The following FBXL13 variants were observed in gnomAD, a reference collection of about 807,000 sequenced individuals.
FBXL13 encodes F-box and leucine-rich repeat protein 13.
In FBXL13, 67 loss-of-function variants were observed where a neutral mutation model predicts 83.6. The observed-to-expected ratio is 0.80, with a 90% CI of 0.66 to 0.98. The LOEUF (loss-of-function observed/expected upper bound fraction) is 0.98. Ranked by LOEUF, FBXL13 falls within the 50% of genes least tolerant of loss-of-function variation. The pLI, the probability that FBXL13 is intolerant of heterozygous loss-of-function variation, is 0.00. For synonymous variants in FBXL13, 272 were observed against 299.5 expected, an observed-to-expected ratio of 0.91 and a Z score of 0.95; for missense variants, 822 against 866.5, an observed-to-expected ratio of 0.95 and a Z score of 0.64.
At chr7:103,074,654 C>A (rs1243994585), upstream of FBXL13, 2 of 1,280,714 alleles carry the variant, frequency 1.6e-6, no homozygotes, top group Middle Eastern at 2.1e-4. Flanking sequence ...CCTTCTAACT[C>A]CCCACCGACG....
chr7:102,946,831 C>T (rs1822595691), intron 8 of FBXL13, among the ~76,000 whole-genome samples: 1 of 151,878 alleles, frequency 6.6e-6, no homozygotes, highest in African/African-American at 2.4e-5. Context: ...CCCACCACCA[C>T]ACCCAGCTAA....
At chr7:102,851,008 A>G (rs1019655635) in intron 17 of FBXL13, among the ~76,000 whole-genome samples, 2 of 152,224 alleles carry the variant, frequency 1.3e-5, no homozygotes, top group South Asian at 4.1e-4. Context: ...ACAACCATTC[A>G]GAACAGCAGT....
In FBXL13 at chr7:103,030,397, A is replaced by G. The variant is rs534273976; in HGVS notation, c.1-979T>C. 3.3e-5 allele frequency among the ~76,000 whole-genome samples: 5 copies of G among 152,354 alleles called. No homozygotes were observed. In the East Asian group the frequency reaches 9.6e-4, roughly 29 times the overall value. On this transcript the variant is annotated intron_variant, in intron 2 of 19. Transcript: ENST00000313221. The stretch of plus-strand genomic sequence containing the variant: ...AGGGACAACATAAACGATTCAAGTC[A>G]TTCTTCACTAAATTCAGATTTTTAT...
chr7:102,832,938 C>T, exon 18 of FBXL13: 1 of 1,614,134 alleles, frequency 6.2e-7, no homozygotes, highest in Admixed American at 1.7e-5. Context: ...TAAGAGACAT[C>T]CAAATGTTCC....
At chr7:103,010,005 G>A (rs939697581) in intron 6 of FBXL13, among the ~76,000 whole-genome samples, 1 of 152,200 alleles carries the variant, frequency 6.6e-6, no homozygotes, top group African/African-American at 2.4e-5. Flanking sequence ...TGAGCCAGAA[G>A]GCATAGCTTC....
intron 11 of FBXL13, among the ~76,000 whole-genome samples, chr7:102,889,872 A>G (rs2129460114): frequency 6.6e-6 from 1 of 152,274 alleles, no homozygotes; most frequent in South Asian, 2.1e-4. Flanking sequence ...CTGTCTTTGT[A>G]ACACGTTCAT....
chr7:103,014,468 A>T (rs565488333), intron 6 of FBXL13, among the ~76,000 whole-genome samples: 35 of 152,292 alleles, frequency 2.3e-4, no homozygotes, highest in African/African-American at 7.2e-4. Context: ...TACCATTCTC[A>T]CTGAAATTAT....
intron 19 of FBXL13, among the ~76,000 whole-genome samples, chr7:102,817,438 A>G (rs866243898): frequency 2.4e-4 from 37 of 152,082 alleles, no homozygotes; most frequent in Non-Finnish European, 4.9e-4. Flanking sequence ...GTTTTTGCCC[A>G]CTTTTTAATG....
At chr7:102,947,533 C>T (rs1822727035) in intron 8 of FBXL13, among the ~76,000 whole-genome samples, 1 of 152,190 alleles carries the variant, frequency 6.6e-6, no homozygotes, top group South Asian at 2.1e-4. Context: ...CCCTTTTCTA[C>T]ATCAGAGTTA....
chr7:102,854,509 CTT>C (rs1248251900), intron 17 of FBXL13, among the ~76,000 whole-genome samples: 1 of 152,156 alleles, frequency 6.6e-6, no homozygotes, highest in Non-Finnish European at 1.5e-5. Flanking sequence ...TACCCTAAAA[CTT>C]AAAGTATAAT....
At position 102,855,098 on chromosome 7, in the gene FBXL13, C is replaced by T. The variant is rs17136121; in HGVS notation, c.1636-238G>A. On this transcript the variant is annotated intron_variant, in intron 16 of 19. Coordinates refer to ENST00000313221, the Ensembl canonical transcript of FBXL13. ...GTTTTACAAAAGCTTTTATGGAATC[C>T]CAGAGTCAGAAAACTCCTTAGGAGG... is the stretch of plus-strand genomic sequence containing the variant. Among the ~76,000 whole-genome samples the T allele has an allele frequency of 0.016, 2,427 of 152,166 alleles. 119 individuals are homozygous for T. The East Asian group carries it at 0.16, about 10-fold the overall frequency.
chr7:103,027,445 A>C lies in FBXL13; in HGVS notation c.327+4T>G. 6.3e-7 allele frequency: 1 copy of C among 1,597,958 alleles called. No homozygotes were observed. The highest frequency in any genetic ancestry group is 8.6e-7 in the Non-Finnish European group (1 of 1,167,572). ...TCTTAAAAAATTGTTTCAATATACAATACCAGCTCATCTTCTTTCTTTTTA... is the reference window on the plus strand; with the variant it reads ...TCTTAAAAAATTGTTTCAATATACACTACCAGCTCATCTTCTTTCTTTTTA... On this transcript the variant is annotated splice_donor_region_variant and intron_variant, in intron 5 of 19. Transcript: ENST00000313221.
intron 6 of FBXL13, among the ~76,000 whole-genome samples, chr7:102,983,077 C>T (rs899728628): frequency 7.9e-5 from 12 of 152,154 alleles, no homozygotes; most frequent in Admixed American, 5.9e-4. Flanking sequence ...TTTTGTCCCA[C>T]ACCTTCAAAG....
At chr7:102,869,941 G>T (rs1808304386) in intron 16 of FBXL13, among the ~76,000 whole-genome samples, 2 of 152,118 alleles carry the variant, frequency 1.3e-5, no homozygotes, top group Non-Finnish European at 2.9e-5. Flanking sequence ...GAGGCAGATG[G>T]GCAGTTATAA....
intron 8 of FBXL13, 98 bp downstream of exon 9, chr7:102,963,435 C>G (rs948342745): frequency 7.0e-7 from 1 of 1,436,760 alleles, no homozygotes; most frequent in African/African-American, 1.4e-5. Context: ...TGACCTAAAA[C>G]TGTCACTGAA....
In FBXL13 at chr7:102,952,854, C is replaced by T. The variant is rs185143517; in HGVS notation, c.724+10679G>A. Among the ~76,000 whole-genome samples the T allele has an allele frequency of 2.0e-4, 31 of 152,062 alleles. 1 individual carries two copies. Among genetic ancestry groups the T allele is most frequent in the East Asian group, 5.8e-4 (3 of 5,156 alleles). On this transcript the variant is annotated intron_variant, in intron 8 of 19. Coordinates refer to ENST00000313221, the Ensembl canonical transcript of FBXL13. ...CAAAAATTAGCTGGGTGTGGTGGCA[C>T]GCACCTGTAATCCCAGCTACTCAGG... is the stretch of plus-strand genomic sequence containing the variant.
intron 3 of FBXL13, among the ~76,000 whole-genome samples, 189 bp downstream of exon 4, chr7:103,029,159 AAAG>A (rs1263007784): frequency 6.6e-6 from 1 of 152,086 alleles, no homozygotes; most frequent in Non-Finnish European, 1.5e-5. Flanking sequence ...ATTATACCTT[AAAG>A]AAGTAAAATA....
At chr7:102,846,543 C>T (rs1037981203) in intron 17 of FBXL13, among the ~76,000 whole-genome samples, 2 of 105,140 alleles carry the variant, frequency 1.9e-5, no homozygotes, top group Admixed American at 8.7e-5. Context: ...TGTCTGAGCC[C>T]GGAAGGAGGT....
At chr7:103,005,087 TA>T (rs1177079310) in intron 6 of FBXL13, among the ~76,000 whole-genome samples, 1 of 152,080 alleles carries the variant, frequency 6.6e-6, no homozygotes, top group Non-Finnish European at 1.5e-5. Context: ...ATCTTGTATT[TA>T]AAGTTAATTA....
Sources: gnomAD v4.1 joint callset for allele counts (sites outside exome capture counted in the v4.1 genomes callset) on GRCh38, gnomAD v4.1.1 for gene constraint, MANE v1.5 for transcripts, NCBI Gene and HGNC (gene_info 2026-07-23, HGNC 2026-07-21) for gene names.